Variants in CNOT2 observed in about 807,000 individuals in gnomAD.
CNOT2 encodes CC chemokine receptor 4-negative regulator of transcription 2.
CNOT2 carries 7 observed loss-of-function variants against 72.1 expected under a neutral mutation model. The ratio of observed to expected loss-of-function variants is 0.10; its 90% CI spans 0.06 to 0.18. The LOEUF (loss-of-function observed/expected upper bound fraction) is 0.18. Among genes scored for constraint, CNOT2 ranks in the 10% least tolerant of loss-of-function variants. The probability of loss-of-function intolerance (pLI) is 1.00; values close to 1 mark genes in which losing one functional copy is unlikely to be tolerated. For synonymous variants in CNOT2, 196 were observed against 225.6 expected, an observed-to-expected ratio of 0.87 and a Z score of 1.17; for missense variants, 345 against 660.3, an observed-to-expected ratio of 0.52 and a Z score of 5.23.
intron 1 of CNOT2, among the ~76,000 whole-genome samples, chr12:70,248,528 A>G (rs1190476198): frequency 6.6e-6 from 1 of 152,158 alleles, no homozygotes; most frequent in African/African-American, 2.4e-5. Context: ...GTTACATCAT[A>G]TATGATACAT....
chr12:70,345,196 G>A (rs895383466), intron 14 of CNOT2: 2 of 152,098 alleles, frequency 1.3e-5, no homozygotes, highest in African/African-American at 4.8e-5. Context: ...TTATGATTGG[G>A]AGACCTTTTC....
At chr12:70,282,042 G>A (rs748575812) in intron 2 of CNOT2, among the ~76,000 whole-genome samples, 53 of 152,066 alleles carry the variant, frequency 3.5e-4, no homozygotes, top group Non-Finnish European at 6.5e-4. Flanking sequence ...GACCGTATCT[G>A]TTTATTTTGG....
At chr12:70,247,996 T>G (rs923918133) in intron 1 of CNOT2, among the ~76,000 whole-genome samples, 4 of 152,218 alleles carry the variant, frequency 2.6e-5, no homozygotes, top group African/African-American at 9.7e-5. Flanking sequence ...AAAGTTAGTA[T>G]GGAATTAGGG....
At chr12:70,267,903 C>T (rs1178756622) in intron 1 of CNOT2, among the ~76,000 whole-genome samples, 1 of 152,242 alleles carries the variant, frequency 6.6e-6, no homozygotes, top group African/African-American at 2.4e-5. Context: ...GCTGCTTTTG[C>T]ACTACAATGC....
chr12:70,333,878 GCATAT>G (rs1339925283), intron 7 of CNOT2, among the ~76,000 whole-genome samples: 1 of 151,840 alleles, frequency 6.6e-6, no homozygotes, highest in Non-Finnish European at 1.5e-5. Flanking sequence ...GGCTACATCT[GCATAT>G]CATAGTTTAA....
rs1474256932 is a variant in CNOT2, at chr12:70,338,437, T to C, written c.901-6T>C. 6.3e-7 allele frequency: 1 copy of C among 1,588,186 alleles called. No homozygotes were observed. The highest frequency in any genetic ancestry group is 1.2e-5 in the South Asian group (1 of 85,872). ...TTAATGTCACATTTAATTTTTTTCA[T>C]GCTAGAATTTGAATACATCTGGCAA... On this transcript the variant is annotated splice_region_variant and splice_polypyrimidine_tract_variant and intron_variant, in intron 9 of 15. Coordinates refer to ENST00000229195, the MANE Select transcript of CNOT2 (RefSeq NM_014515.7).
intron 2 of CNOT2, among the ~76,000 whole-genome samples, chr12:70,306,991 G>A (rs1875528606): frequency 1.3e-5 from 2 of 152,052 alleles, no homozygotes; most frequent in Non-Finnish European, 2.9e-5. Context: ...ACACAGAAAG[G>A]GTACAGTGAA....
intron 4 of CNOT2, chr12:70,327,391 C>T (rs1197419740): frequency 6.6e-6 from 1 of 151,868 alleles, no homozygotes; most frequent in Non-Finnish European, 1.5e-5. Context: ...AGTAGGCACT[C>T]ACAGAGGTGC....
intron 1 of CNOT2, among the ~76,000 whole-genome samples, chr12:70,267,206 A>T (rs1039883865): frequency 7.9e-5 from 12 of 152,130 alleles, no homozygotes; most frequent in African/African-American, 2.9e-4. Flanking sequence ...CCAGAAATTT[A>T]TTCTTTCATG....
At chr12:70,288,872 C>T (rs1027242145) in intron 2 of CNOT2, among the ~76,000 whole-genome samples, 1 of 152,214 alleles carries the variant, frequency 6.6e-6, no homozygotes, top group Admixed American at 6.5e-5. Flanking sequence ...TCTCATTGTT[C>T]ATGGTAATTT....
intron 1 of CNOT2, among the ~76,000 whole-genome samples, chr12:70,267,958 G>T (rs1336573673): frequency 1.3e-5 from 2 of 152,216 alleles, no homozygotes; most frequent in African/African-American, 4.8e-5. Context: ...TGTGAAACTT[G>T]AAATATTTTC....
At chr12:70,312,329 G>T (rs143936887) in intron 3 of CNOT2, among the ~76,000 whole-genome samples, 45 of 151,926 alleles carry the variant, frequency 3.0e-4, no homozygotes, top group African/African-American at 1.0e-3. Context: ...TGTGTGTATT[G>T]CTGTGATTAT....
At chr12:70,344,262 A>T in intron 14 of CNOT2, 34 bp downstream of exon 14, 1 of 1,327,100 alleles carries the variant, frequency 7.5e-7, no homozygotes, top group East Asian at 2.3e-5. Context: ...CTTTTGTATT[A>T]TAGTGGATCT....
intron 2 of CNOT2, among the ~76,000 whole-genome samples, chr12:70,306,669 G>C (rs745655207): frequency 4.6e-5 from 7 of 152,130 alleles, no homozygotes; most frequent in Non-Finnish European, 1.0e-4. Context: ...ACTTAACAAA[G>C]TATATATAAG....
chr12:70,306,355 C>T (rs972929815), intron 2 of CNOT2, among the ~76,000 whole-genome samples: 1 of 152,032 alleles, frequency 6.6e-6, no homozygotes, highest in Non-Finnish European at 1.5e-5. Flanking sequence ...CAGGGTTTCA[C>T]GTTGTTGGCC....
intron 2 of CNOT2, among the ~76,000 whole-genome samples, chr12:70,299,840 G>T (rs573660664): frequency 6.6e-6 from 1 of 152,066 alleles, no homozygotes; most frequent in Non-Finnish European, 1.5e-5. Flanking sequence ...AGTCCCACCA[G>T]CAGTGTAAAA....
chr12:70,271,025 A>G (rs1019927415), intron 1 of CNOT2, among the ~76,000 whole-genome samples: 2 of 152,200 alleles, frequency 1.3e-5, no homozygotes, highest in African/African-American at 2.4e-5. Flanking sequence ...CTATTTTCTC[A>G]CATATCTGGA....
At chr12:70,295,388 G>A (rs980632594) in intron 2 of CNOT2, among the ~76,000 whole-genome samples, 1 of 151,914 alleles carries the variant, frequency 6.6e-6, no homozygotes, top group East Asian at 1.9e-4. Flanking sequence ...ATAACTGGAC[G>A]CTCTATATAA....
intron 11 of CNOT2, among the ~76,000 whole-genome samples, chr12:70,341,305 A>C (rs1881479465): frequency 6.6e-6 from 1 of 152,094 alleles, no homozygotes; most frequent in South Asian, 2.1e-4. Flanking sequence ...CCACCTTGTT[A>C]TATCTCAGGC....
Sources: allele counts gnomAD v4.1 joint callset (sites outside exome capture counted in the v4.1 genomes callset), GRCh38; gene constraint gnomAD v4.1.1; transcripts MANE v1.5; gene names NCBI Gene and HGNC (gene_info 2026-07-23, HGNC 2026-07-21).